The following CAST variants were observed in gnomAD, a reference collection of about 807,000 sequenced individuals.
CAST encodes MIR583 host.
A neutral mutation model predicts 119.6 loss-of-function variants in CAST; 76 were observed. The observed-to-expected ratio is 0.64, with a 90% confidence interval of 0.53 to 0.77. The LOEUF (loss-of-function observed/expected upper bound fraction) is 0.77. Among genes scored for constraint, CAST ranks in the 30% least tolerant of loss-of-function variants. The pLI, the probability that CAST is intolerant of heterozygous loss-of-function variation, is 0.00. For synonymous variants in CAST, 319 were observed against 331.6 expected, an observed-to-expected ratio of 0.96 and a Z score of 0.41; for missense variants, 953 against 946.5, an observed-to-expected ratio of 1.01 and a Z score of -0.09.
At chr5:96,492,668 A>T in the CAST span, among the ~76,000 whole-genome samples, 2 of 152,212 alleles carry the variant, frequency 1.3e-5, no homozygotes, top group Non-Finnish European at 2.9e-5. Context: ...CTACCAGCCA[A>T]TTACCTTTCT....
the CAST span, among the ~76,000 whole-genome samples, chr5:95,988,115 A>G: frequency 6.6e-6 from 1 of 152,238 alleles, no homozygotes; most frequent in Non-Finnish European, 1.5e-5. Context: ...GCAGAAAAGT[A>G]AAGGAAATCC....
At chr5:96,131,846 G>A in the CAST span, among the ~76,000 whole-genome samples, 1 of 152,122 alleles carries the variant, frequency 6.6e-6, no homozygotes, top group Non-Finnish European at 1.5e-5. Flanking sequence ...ATCATACACA[G>A]GGAGGACCCA....
the CAST span, among the ~76,000 whole-genome samples, chr5:96,159,136 C>T: frequency 3.3e-5 from 5 of 152,194 alleles, no homozygotes; most frequent in African/African-American, 9.6e-5. Context: ...GGGAAGTATA[C>T]TGTCCTTTTT....
intron 2 of CAST, among the ~76,000 whole-genome samples, chr5:96,678,672 A>G (rs1386442112): frequency 6.6e-6 from 1 of 152,100 alleles, no homozygotes; most frequent in Non-Finnish European, 1.5e-5. Context: ...GTGAAACTCC[A>G]TCTCTACTAA....
the CAST span, among the ~76,000 whole-genome samples, chr5:95,998,943 T>C: frequency 6.6e-6 from 1 of 152,222 alleles, no homozygotes; most frequent in Non-Finnish European, 1.5e-5. Context: ...ATAACCATTC[T>C]GACAGGTATA....
chr5:95,969,466 G>A, the CAST span, among the ~76,000 whole-genome samples: 3 of 152,168 alleles, frequency 2.0e-5, no homozygotes, highest in African/African-American at 7.2e-5. Flanking sequence ...ATGATCAGAG[G>A]AGGCTCTGTA....
At chr5:96,145,624 A>G in the CAST span, among the ~76,000 whole-genome samples, 2 of 152,182 alleles carry the variant, frequency 1.3e-5, no homozygotes, top group African/African-American at 2.4e-5. Flanking sequence ...ACCAGAGAGA[A>G]ATTTTTGGTA....
At chr5:96,395,158 A>G in the CAST span, 1 of 764,822 alleles carries the variant, frequency 1.3e-6, no homozygotes, top group South Asian at 1.5e-5. Flanking sequence ...GAAAGAAACC[A>G]TTGGATCCAC....
chr5:96,539,677 A>T (rs1745878640), intron 1 of CAST, among the ~76,000 whole-genome samples: 1 of 152,172 alleles, frequency 6.6e-6, no homozygotes. Context: ...GCCCTGAACC[A>T]CTTATATTAA....
chr5:96,323,978 C>T, the CAST span, among the ~76,000 whole-genome samples: 2 of 152,264 alleles, frequency 1.3e-5, no homozygotes, highest in African/African-American at 4.8e-5. Flanking sequence ...CTTCTCCCTG[C>T]CTATTTCTGT....
intron 3 of CAST, 30 bp from the exon 4 acceptor site, chr5:96,722,609 G>A (rs760773293): frequency 5.1e-5 from 79 of 1,537,772 alleles, no homozygotes; most frequent in Admixed American, 4.7e-4. Flanking sequence ...AAATAGAATC[G>A]AACTTTCTAT....
At chr5:96,258,991 C>CT in the CAST span, among the ~76,000 whole-genome samples, 3 of 152,124 alleles carry the variant, frequency 2.0e-5, no homozygotes, top group African/African-American at 7.2e-5. Flanking sequence ...GAAGAGGTTA[C>CT]TTTGGGCTGG....
the CAST span, among the ~76,000 whole-genome samples, chr5:96,235,442 G>C: frequency 6.6e-6 from 1 of 152,134 alleles, no homozygotes; most frequent in South Asian, 2.1e-4. Context: ...TCTGGTAGTG[G>C]CTGAGCCTTT....
chr5:96,586,018 A>G (rs1746853623), intron 1 of CAST, among the ~76,000 whole-genome samples: 1 of 152,218 alleles, frequency 6.6e-6, no homozygotes, highest in African/African-American at 2.4e-5. Context: ...ATATACTGAA[A>G]AATTTTATGT....
chr5:96,058,101 G>A, the CAST span, among the ~76,000 whole-genome samples: 1 of 152,126 alleles, frequency 6.6e-6, no homozygotes, highest in Non-Finnish European at 1.5e-5. Context: ...TGTATTTGTA[G>A]TTGTTGCTGT....
intron 3 of CAST, among the ~76,000 whole-genome samples, chr5:96,720,337 C>G (rs568496752): frequency 1.3e-5 from 2 of 152,150 alleles, no homozygotes; most frequent in East Asian, 1.9e-4. Context: ...ATCAATGATA[C>G]GAAATTCAAA....
chr5:96,070,253 A>G, the CAST span, among the ~76,000 whole-genome samples: 2 of 152,210 alleles, frequency 1.3e-5, no homozygotes, highest in Non-Finnish European at 2.9e-5. Context: ...TATAACTGCT[A>G]TGGAACCTAC....
the CAST span, among the ~76,000 whole-genome samples, chr5:96,436,767 T>C: frequency 0.28 from 43,232 of 151,906 alleles, 6,180 homozygotes; most frequent in Middle Eastern, 0.31. Context: ...TTACCACAAA[T>C]TGAGAAAAGT....
the CAST span, among the ~76,000 whole-genome samples, chr5:96,040,627 T>G: frequency 6.6e-6 from 1 of 152,234 alleles, no homozygotes; most frequent in Admixed American, 6.5e-5. Context: ...TCTATTGAGA[T>G]AATCATGTGG....
Sources: gnomAD v4.1 joint callset for allele counts (sites outside exome capture counted in the v4.1 genomes callset) on GRCh38, gnomAD v4.1.1 for gene constraint, MANE v1.5 for transcripts, NCBI Gene and HGNC (gene_info 2026-07-23, HGNC 2026-07-21) for gene names.